Variants in EFHD1 observed in about 807,000 individuals in gnomAD.
EFHD1 encodes the protein EF-hand domain family member D1.
Under a neutral mutation model 17.2 loss-of-function variants are expected in EFHD1, and 10 were observed. That is an observed-to-expected ratio of 0.58 (90% CI 0.36 to 0.99). EFHD1 has a LOEUF of 0.99. Ranked by LOEUF, EFHD1 falls within the 50% of genes least tolerant of loss-of-function variation. The pLI is 0.01. For missense variants in EFHD1, 310 were observed against 327.5 expected (o/e 0.95, Z 0.41); for synonymous variants, 153 against 142.0 (o/e 1.08, Z -0.55).
At chr2:232,652,723 C>T (rs1185917202) in intron 1 of EFHD1, among the ~76,000 whole-genome samples, 2 of 152,054 alleles carry the variant, frequency 1.3e-5, no homozygotes, top group Non-Finnish European at 2.9e-5. Context: ...ATGTTTGGAA[C>T]CCTGCTGTGT....
chr2:232,606,210 T>C (rs1209303605), intron 1 of EFHD1: 15 of 1,549,006 alleles, frequency 9.7e-6, no homozygotes, highest in Non-Finnish European at 6.1e-6. Context: ...CCCTTGAGAG[T>C]CTACGATTTT....
intron 1 of EFHD1, among the ~76,000 whole-genome samples, chr2:232,656,223 C>T (rs1694759318): frequency 6.6e-6 from 1 of 152,150 alleles, no homozygotes; most frequent in Admixed American, 6.6e-5. Context: ...GTGGGTAGGA[C>T]TGTGGCCCTT....
Position 232,644,942 on chromosome 2 carries a change from A to ATTT in EFHD1, c.302+10955_302+10957dup, listed in dbSNP as rs752790323. Among the ~76,000 whole-genome samples, 131 of 114,362 alleles carry ATTT rather than the reference A, an allele frequency of 1.1e-3. 1 individual carries two copies. Among genetic ancestry groups the ATTT allele is most frequent in the African/African-American group, 4.1e-3 (119 of 29,024 alleles). 75.0% of individuals were successfully genotyped at this position (114,362 alleles called of 152,430 possible). A position where few individuals can be genotyped will look rare whatever the true frequency, so the allele number is the denominator to read the frequency against. The stretch of plus-strand genomic sequence containing the variant: ...CAGGCGTGAGCCACCATGCCTGGCA[A>ATTT]TTTTTTTTTTTTTTTTTTTTTGAGA... On this transcript the variant is annotated intron_variant, in intron 1 of 3. Coordinates refer to ENST00000264059, the MANE Select transcript of EFHD1 (RefSeq NM_025202.4).
At chr2:232,663,112 C>G (rs1019832735) in intron 2 of EFHD1, among the ~76,000 whole-genome samples, 163 bp downstream of exon 2, 1 of 152,148 alleles carries the variant, frequency 6.6e-6, no homozygotes, top group South Asian at 2.1e-4. Context: ...GACAGCTAAC[C>G]CCAGTGCTGG....
chr2:232,612,665 G>A lies in EFHD1; in HGVS notation c.14+6492G>A, dbSNP rs376260591. Among the ~76,000 whole-genome samples, 33 of 151,988 alleles carry A rather than the reference G, an allele frequency of 2.2e-4. 1 individual carries two copies. The highest frequency in any genetic ancestry group is 5.8e-4 in the East Asian group (3 of 5,194). ...TATGGAGCAAGGCAGGCTCTCATGCGCTGCTATTGGAAATAGAAAATAGTA... is the reference window on the plus strand; with the variant it reads ...TATGGAGCAAGGCAGGCTCTCATGCACTGCTATTGGAAATAGAAAATAGTA... On this transcript the variant is annotated intron_variant, in intron 1 of 3. Coordinates refer to the EFHD1 transcript ENST00000409613.
chr2:232,674,379 G>A (rs1695134935), intron 3 of EFHD1, among the ~76,000 whole-genome samples: 1 of 152,212 alleles, frequency 6.6e-6, no homozygotes, highest in Non-Finnish European at 1.5e-5. Context: ...TGTCCGTGTG[G>A]ACAGATGTCC....
chr2:232,674,493 G>A (rs1695136307), intron 3 of EFHD1, among the ~76,000 whole-genome samples: 1 of 152,016 alleles, frequency 6.6e-6, no homozygotes, highest in Non-Finnish European at 1.5e-5. Flanking sequence ...TTTGTCAGAG[G>A]GACTTATTTT....
At chr2:232,637,958 G>A (rs1238603311) in intron 1 of EFHD1, among the ~76,000 whole-genome samples, 1 of 152,176 alleles carries the variant, frequency 6.6e-6, no homozygotes, top group Non-Finnish European at 1.5e-5. Flanking sequence ...TAACAAATGA[G>A]GCTGGCTCCT....
intron 1 of EFHD1, among the ~76,000 whole-genome samples, chr2:232,658,171 G>A (rs1694796846): frequency 6.6e-6 from 1 of 151,846 alleles, no homozygotes; most frequent in South Asian, 2.1e-4. Context: ...ACAAAGTGCT[G>A]GGATTATAGG....
At chr2:232,608,705 C>A (rs560921564) in intron 1 of EFHD1, among the ~76,000 whole-genome samples, 1 of 151,900 alleles carries the variant, frequency 6.6e-6, no homozygotes, top group South Asian at 2.1e-4. Flanking sequence ...CGGAGGCGGG[C>A]GGAAAATGAG....
Position 232,621,546 on chromosome 2 carries a change from G to A in EFHD1, c.14+15373G>A, listed in dbSNP as rs982518941. On this transcript the variant is annotated intron_variant, in intron 1 of 3. Coordinates refer to the EFHD1 transcript ENST00000409613. Reference sequence around the variant, plus strand: ...CAGCTCACTGCAACCTCCACCTCCCGGGTTCAAGTGATTCCCCTGCCTCAG... The same window carrying A: ...CAGCTCACTGCAACCTCCACCTCCCAGGTTCAAGTGATTCCCCTGCCTCAG... 3.3e-5 allele frequency among the ~76,000 whole-genome samples: 5 copies of A among 151,992 alleles called. No individual in the cohort carries two copies. The South Asian group carries it at 6.2e-4, about 19-fold the overall frequency.
At chr2:232,672,209 T>C (rs1333140030) in intron 2 of EFHD1, 100 bp from the exon 3 acceptor site, 1 of 1,521,384 alleles carries the variant, frequency 6.6e-7, no homozygotes, top group Admixed American at 1.7e-5. Context: ...TAAACATCTT[T>C]CTTAAGTGAT....
intron 1 of EFHD1, among the ~76,000 whole-genome samples, chr2:232,643,320 G>C (rs1170739882): frequency 6.6e-6 from 1 of 152,170 alleles, no homozygotes; most frequent in African/African-American, 2.4e-5. Flanking sequence ...CCAAAACTGG[G>C]TTCTGTTAGT....
At position 232,652,635 on chromosome 2, in the gene EFHD1, A is replaced by C. The variant is rs80345226; in HGVS notation, c.303-10167A>C. Among the ~76,000 whole-genome samples the C allele has an allele frequency of 3.4e-3, 525 of 152,242 alleles. 3 individuals carry two copies. Among genetic ancestry groups the C allele is most frequent in the African/African-American group, 0.011 (470 of 41,540 alleles). ...GCGGCTGTGATTAATTCTTCACAGG[A>C]CTGTTGTGAAGATCAAAAGGATCAG... is the stretch of plus-strand genomic sequence containing the variant. On this transcript the variant is annotated intron_variant, in intron 1 of 3. Coordinates refer to ENST00000264059, the MANE Select transcript of EFHD1 (RefSeq NM_025202.4).
chr2:232,613,803 AATATACACAC>A (rs1257564465), intron 1 of EFHD1, among the ~76,000 whole-genome samples: 86 of 137,212 alleles, frequency 6.3e-4, no homozygotes, highest in African/African-American at 2.3e-3. Context: ...TACACACAAA[AATATACACAC>A]ATATACACAC....
rs745364469 is a variant in EFHD1, at chr2:232,662,926, G to A, written c.427G>A (p.Asp143Asn). The change falls in exon 2 of 4, where the codon GAT (aspartate) becomes AAT (asparagine). Residue 143 changes from aspartate to asparagine, a missense_variant. Transcript: ENST00000264059. Reference sequence around the variant, plus strand: ...GATCAAGGAGGTGGATGAGGACTTCGATGGCAAGCTCAGCTTCCGGGAGGT... The same window carrying A: ...GATCAAGGAGGTGGATGAGGACTTCAATGGCAAGCTCAGCTTCCGGGAGGT... ...SMIKEVDEDF[D>N]GKLSFREFLL... The A allele has an allele frequency of 5.0e-6, 8 of 1,590,672 alleles. No homozygotes were observed. Among genetic ancestry groups the A allele is most frequent in the Non-Finnish European group, 6.0e-6 (7 of 1,171,252 alleles).
In EFHD1 at chr2:232,633,619, C is replaced by A; in HGVS notation, c.-86C>A. On this transcript the variant is annotated 5_prime_UTR_variant, in exon 1 of 4. Transcript: ENST00000264059. ...CCGCCTCGGCGGAGTGTTGTAGAGC[C>A]TCGAGCCTGCGAGGAGCGCGCCGCC... 1 of 1,343,868 alleles carries A rather than the reference C, an allele frequency of 7.4e-7. No individual in the cohort carries two copies. Among genetic ancestry groups the A allele is most frequent in the Non-Finnish European group, 9.5e-7 (1 of 1,056,276 alleles). The allele number at this position is 1,343,868 out of a possible 1,614,324, so 83.2% of individuals were successfully genotyped here.
chr2:232,649,830 G>C (rs1444803770), intron 1 of EFHD1: 1 of 152,354 alleles, frequency 6.6e-6, no homozygotes, highest in Middle Eastern at 3.4e-3. Context: ...AGAGTCTGGA[G>C]ACTATAAAGA....
intron 1 of EFHD1, among the ~76,000 whole-genome samples, chr2:232,617,665 A>T (rs1254673241): frequency 6.7e-6 from 1 of 148,300 alleles, no homozygotes; most frequent in African/African-American, 2.5e-5. Context: ...AAAAAAAAAA[A>T]AAAGAATGCT....
Sources: gnomAD v4.1 joint callset for allele counts (sites outside exome capture counted in the v4.1 genomes callset) on GRCh38, gnomAD v4.1.1 for gene constraint, MANE v1.5 for transcripts, NCBI Gene and HGNC (gene_info 2026-07-23, HGNC 2026-07-21) for gene names.